The following MARF1 variants were observed in gnomAD, a reference collection of about 807,000 sequenced individuals.
MARF1 encodes limkain-b1.
A neutral mutation model predicts 168.2 loss-of-function variants in MARF1; 24 were observed. The observed-to-expected ratio is 0.14, with a 90% confidence interval of 0.10 to 0.20. The LOEUF is 0.20. Ranked by LOEUF, MARF1 falls within the 10% of genes least tolerant of loss-of-function variation. The pLI is 1.00. For synonymous variants in MARF1, 868 were observed against 822.4 expected (o/e 1.06, Z -0.95); for missense variants, 1,744 against 2,143.6 (o/e 0.81, Z 3.68).
intron 5 of MARF1, among the ~76,000 whole-genome samples, chr16:15,633,169 A>C (rs1353972295): frequency 2.9e-5 from 4 of 140,094 alleles, no homozygotes; most frequent in African/African-American, 5.4e-5. Context: ...AAAAAAAAAA[A>C]AAACACCACA....
chr16:15,606,474 G>T (rs902355053), intron 21 of MARF1, among the ~76,000 whole-genome samples: 1 of 151,994 alleles, frequency 6.6e-6, no homozygotes, highest in Non-Finnish European at 1.5e-5. Flanking sequence ...TCCTGATCAA[G>T]CCACTCTCCA....
At position 15,596,836 on chromosome 16, in the gene MARF1, C is replaced by T; in HGVS notation, c.5086G>A (p.Val1696Ile). 6.2e-7 allele frequency: 1 copy of T among 1,614,166 alleles called. No individual in the cohort carries two copies. Among genetic ancestry groups the T allele is most frequent in the Non-Finnish European group, 8.5e-7 (1 of 1,180,024 alleles). Residue 1696 changes from valine (V) to isoleucine (I), a missense_variant, in exon 27 of 27, where the codon GTC (valine) becomes ATC (isoleucine). Physicochemically the swap from Val to Ile is conservative, Grantham distance 29. Around this residue, in one of 7 missense-constraint regions of MARF1, gnomAD observed 313 missense variants for 337.4 expected, o/e 0.93. Transcript: ENST00000396368. ...GAGGAGGGGCAGGGAGGCACGGGGA[C>T]AGCTGCTGAGATGCAGGACGAGCTG... ...DSSSSCISAA[V>I]PVPPCPSSET...
chr16:15,625,196 G>C, intron 8 of MARF1, 23 bp from the exon 9 acceptor site: 1 of 1,607,742 alleles, frequency 6.2e-7, no homozygotes, highest in Non-Finnish European at 8.5e-7. Flanking sequence ...AAGCACAGTG[G>C]GGTTTAAATT....
intron 1 of MARF1, chr16:15,642,441 A>C: frequency 6.6e-6 from 1 of 152,246 alleles, no homozygotes; most frequent in East Asian, 1.9e-4. Context: ...CCGATATGCA[A>C]AAGAGAAGAA....
chr16:15,624,991 T>C (rs764335641), intron 9 of MARF1, 25 bp downstream of exon 9: 5 of 1,613,618 alleles, frequency 3.1e-6, no homozygotes, highest in Admixed American at 1.7e-5. Flanking sequence ...AAGAAGCAGC[T>C]ATGAGAAAGA....
chr16:15,620,832 AGTTT>A (rs1451033448), intron 12 of MARF1, among the ~76,000 whole-genome samples: 1 of 152,234 alleles, frequency 6.6e-6, no homozygotes, highest in African/African-American at 2.4e-5. Flanking sequence ...GCCACACTGC[AGTTT>A]GTTAGATATA....
rs1346025189 is a variant in MARF1 at position 15,635,813 on chromosome 16, G to A, written c.674C>T (p.Pro225Leu). The A allele has an allele frequency of 8.1e-6, 13 of 1,614,202 alleles. No homozygotes were observed. Among genetic ancestry groups the A allele is most frequent in the Non-Finnish European group, 1.1e-5 (13 of 1,180,034 alleles). Residue 225 changes from proline to leucine, a missense_variant, in exon 3 of 27, where the codon CCC becomes CTC. Pro to Leu is a moderately conservative substitution (Grantham distance 98). Coordinates refer to ENST00000396368, the MANE Select transcript of MARF1 (RefSeq NM_014647.4). ...AGCCCCGCTTGTGAAATCAGAACAG[G>A]GGAAATAGCCAGCGGAGGTGCAGCC... The part of the protein sequence containing the change: ...LQGCTSAGYF[P>L]CSDFTSGAPG...
chr16:15,622,274 A>T (rs188784733), intron 11 of MARF1, among the ~76,000 whole-genome samples: 19 of 152,332 alleles, frequency 1.2e-4, no homozygotes, highest in African/African-American at 4.6e-4. Flanking sequence ...CACCTAAAAA[A>T]TGAGTCAAAT....
chr16:15,599,172 AAAACAAAAACC>A lies in MARF1; in HGVS notation c.4814-159_4814-149del. 8 of 779,282 alleles carry A rather than the reference AAAACAAAAACC, an allele frequency of 1.0e-5. No homozygotes were observed. In the East Asian group the frequency reaches 1.7e-4, roughly 17 times the overall value. 48.3% of individuals were successfully genotyped at this position (779,282 alleles called of 1,614,324 possible). A position where few individuals can be genotyped will look rare whatever the true frequency, so the allele number is the denominator to read the frequency against. On this transcript the variant is annotated intron_variant, in intron 25 of 26. Coordinates refer to ENST00000396368, the MANE Select transcript of MARF1 (RefSeq NM_014647.4). The stretch of plus-strand genomic sequence containing the variant: ...AAGGTATTAAAAAAAAAAAAAAAAA[AAAACAAAAACC>A]CAAAACCCACTAACAGGAAGATCCT...
intron 26 of MARF1, among the ~76,000 whole-genome samples, chr16:15,597,181 G>T (rs2031801590): frequency 6.6e-6 from 1 of 152,182 alleles, no homozygotes; most frequent in South Asian, 2.1e-4. Context: ...TCTATTTTGA[G>T]CTATAAATGA....
intron 8 of MARF1, 51 bp from the exon 9 acceptor site, chr16:15,625,224 G>C (rs1285487678): frequency 2.6e-5 from 41 of 1,594,220 alleles, no homozygotes; most frequent in Non-Finnish European, 3.3e-5. Flanking sequence ...CCCAAGATGT[G>C]TTAGATCCTT....
At chr16:15,625,194 T>C in intron 8 of MARF1, 21 bp from the exon 9 acceptor site, 4 of 1,608,668 alleles carry the variant, frequency 2.5e-6, no homozygotes, top group Non-Finnish European at 3.4e-6. Context: ...ACAAGCACAG[T>C]GGGGTTTAAA....
At chr16:15,608,565 G>C in intron 20 of MARF1, 47 bp from the exon 21 acceptor site, 3 of 1,410,404 alleles carry the variant, frequency 2.1e-6, no homozygotes, top group Non-Finnish European at 2.0e-6. Context: ...ACAAATCACG[G>C]GTGTTTACAG....
At chr16:15,626,844 T>C (rs764953762) in intron 7 of MARF1, among the ~76,000 whole-genome samples, 2 of 150,974 alleles carry the variant, frequency 1.3e-5, no homozygotes, top group East Asian at 3.9e-4. Context: ...ACGCCTGTAA[T>C]CCCAGCTACT....
At chr16:15,639,950 G>C (rs1413173815) in intron 1 of MARF1, among the ~76,000 whole-genome samples, 2 of 152,106 alleles carry the variant, frequency 1.3e-5, no homozygotes, top group Non-Finnish European at 2.9e-5. Context: ...AACCATGTTT[G>C]AGAGAGGTAG....
In MARF1 at chr16:15,609,578, T is replaced by A; in HGVS notation, c.3899A>T (p.Tyr1300Phe). Residue 1300 changes from tyrosine to phenylalanine, a missense_variant, in exon 20 of 27, where the codon TAC (tyrosine) becomes TTC (phenylalanine). Transcript: ENST00000396368. ...HHFGRQCKLA[Y>F]YGFTKLLELF... is the part of the protein sequence containing the mutation. ...TTCAAGTAGTTTGGTAAACCCATAG[T>A]ACGCAAGTTTGCACTGCCGGCCAAA... 6.2e-7 allele frequency: 1 copy of A among 1,614,220 alleles called. No individual in the cohort carries two copies. Among genetic ancestry groups the A allele is most frequent in the Non-Finnish European group, 8.5e-7 (1 of 1,180,028 alleles).
At position 15,635,767 on chromosome 16, in the gene MARF1, G is replaced by A; in HGVS notation, c.720C>T (p.His240=). The part of the protein sequence containing the change: ...TSGAPGHLEE[H]ISQSELTPHL... ...GAGGCGTTAGCTCCGACTGTGAAAT[G>A]TGCTCTTCCAAATGCCCTGGAGCCC... Residue 240 remains histidine, a synonymous_variant, in exon 3 of 27, where the codon CAC becomes CAT. Coordinates refer to ENST00000396368, the MANE Select transcript of MARF1 (RefSeq NM_014647.4). The A allele has an allele frequency of 6.2e-7, 1 of 1,614,228 alleles. No individual in the cohort carries two copies. Among genetic ancestry groups the A allele is most frequent in the Admixed American group, 1.7e-5 (1 of 60,020 alleles).
intron 6 of MARF1, 70 bp from the exon 7 acceptor site, chr16:15,630,574 A>G: frequency 2.9e-6 from 4 of 1,380,394 alleles, no homozygotes; most frequent in Non-Finnish European, 9.8e-7. Flanking sequence ...AGACAACTCT[A>G]TTGACACCCA....
rs1006340228 is a variant in MARF1 at position 15,625,080 on chromosome 16, T to G, written c.2047A>C (p.Ser683Arg). 1.9e-6 allele frequency: 3 copies of G among 1,614,092 alleles called. No homozygotes were observed. In the African/African-American group the frequency reaches 4.0e-5, roughly 22 times the overall value. The stretch of plus-strand genomic sequence containing the variant: ...TTTTTCGGCGTCGACACTGCAGCAC[T>G]TGAGTTACCGTGAGTGGGTACGACC... ...RLVVPTHGNS[S>R]AAVSTPKNSG... The change falls in exon 9 of 27, where the codon AGT becomes CGT. Residue 683 changes from serine (S) to arginine (R), a missense_variant. By Grantham distance (110) the Ser-to-Arg change is moderately radical. Coordinates refer to ENST00000396368, the MANE Select transcript of MARF1 (RefSeq NM_014647.4).
Sources: allele counts gnomAD v4.1 joint callset (sites outside exome capture counted in the v4.1 genomes callset), GRCh38; gene constraint gnomAD v4.1.1; regional missense constraint gnomAD v4.1.1; transcripts MANE v1.5; gene names NCBI Gene and HGNC (gene_info 2026-07-23, HGNC 2026-07-21).